CIMIP7: variants seen among roughly 807,000 people sequenced by gnomAD.
CIMIP7 encodes the protein uncharacterized protein C3orf84.
At chr3:49,181,058 G>A in the CIMIP7 span, among the ~76,000 whole-genome samples, 1 of 151,358 alleles carries the variant, frequency 6.6e-6, no homozygotes, top group Admixed American at 6.6e-5. Flanking sequence ...AATGCAAGCT[G>A]AGGCTGGGCA....
the CIMIP7 span, chr3:49,178,053 C>T: frequency 3.3e-5 from 52 of 1,591,714 alleles, no homozygotes; most frequent in Admixed American, 1.7e-4. Context: ...AATAGGGACC[C>T]TCCTCAACGG....
the CIMIP7 span, among the ~76,000 whole-genome samples, chr3:49,181,325 G>C: frequency 7.5e-6 from 1 of 132,724 alleles, no homozygotes; most frequent in African/African-American, 2.9e-5. Flanking sequence ...CTTGGCAACA[G>C]AGAGACTCTA....
At chr3:49,183,465 T>C in the CIMIP7 span, among the ~76,000 whole-genome samples, 1 of 152,202 alleles carries the variant, frequency 6.6e-6, no homozygotes, top group Non-Finnish European at 1.5e-5. Flanking sequence ...GTGGATAACC[T>C]GAGGTCAGGA....
chr3:49,181,604 G>A, the CIMIP7 span, among the ~76,000 whole-genome samples: 1 of 152,200 alleles, frequency 6.6e-6, no homozygotes, highest in South Asian at 2.1e-4. Context: ...GGTGCAATGA[G>A]CCATGATCGT....
chr3:49,186,825 T>C, the CIMIP7 span, among the ~76,000 whole-genome samples: 2 of 152,244 alleles, frequency 1.3e-5, no homozygotes, highest in Non-Finnish European at 2.9e-5. Context: ...AATGTCCTTG[T>C]TGTGATATTA....
At chr3:49,178,607 A>T in the CIMIP7 span, 12 of 1,394,312 alleles carry the variant, frequency 8.6e-6, no homozygotes, top group Non-Finnish European at 1.2e-5. Context: ...TACCTGGATC[A>T]CTGCCTCAGG....
the CIMIP7 span, chr3:49,189,841 T>G: frequency 1.3e-6 from 1 of 742,586 alleles, no homozygotes. Context: ...TGGTTCAGTT[T>G]GGCACTCACT....
At chr3:49,178,188 T>C in the CIMIP7 span, 23 of 821,740 alleles carry the variant, frequency 2.8e-5, no homozygotes, top group Non-Finnish European at 3.9e-5. Context: ...CTCCTTGGCC[T>C]GCCTCCCCAG....
the CIMIP7 span, among the ~76,000 whole-genome samples, chr3:49,178,234 G>C: frequency 6.6e-6 from 1 of 152,228 alleles, no homozygotes; most frequent in African/African-American, 2.4e-5. Context: ...CACCCAGAAA[G>C]TTAGTGGCCC....
chr3:49,181,834 T>G, the CIMIP7 span, among the ~76,000 whole-genome samples: 2 of 152,194 alleles, frequency 1.3e-5, no homozygotes, highest in Non-Finnish European at 2.9e-5. Context: ...CTCACTGACA[T>G]CAAGACTGAA....
At chr3:49,189,775 A>G in the CIMIP7 span, 11 of 620,196 alleles carry the variant, frequency 1.8e-5, no homozygotes, top group East Asian at 3.7e-4. Flanking sequence ...GCCTGTAGCT[A>G]CCCACCCCGG....
chr3:49,186,473 G>A, the CIMIP7 span, among the ~76,000 whole-genome samples: 93 of 134,120 alleles, frequency 6.9e-4, no homozygotes, highest in African/African-American at 2.4e-3. Context: ...GTGCGATCGC[G>A]GCTCACTGCA....
At chr3:49,182,803 C>G in the CIMIP7 span, among the ~76,000 whole-genome samples, 4 of 152,298 alleles carry the variant, frequency 2.6e-5, no homozygotes, top group Non-Finnish European at 5.9e-5. Flanking sequence ...GGTCCCGAGC[C>G]CTGCCCCGCG....
the CIMIP7 span, chr3:49,190,093 C>G: frequency 1.9e-6 from 3 of 1,610,970 alleles, no homozygotes; most frequent in Non-Finnish European, 2.5e-6. Flanking sequence ...CTAGCACTTT[C>G]ACTCTTGAAT....
the CIMIP7 span, chr3:49,177,786 A>G: frequency 6.2e-7 from 1 of 1,611,680 alleles, no homozygotes; most frequent in South Asian, 1.1e-5. Context: ...TGTAGCTGCC[A>G]TAGTGGCCAC....
chr3:49,179,901 G>A, the CIMIP7 span, among the ~76,000 whole-genome samples: 2 of 152,232 alleles, frequency 1.3e-5, no homozygotes, highest in South Asian at 2.1e-4. Flanking sequence ...ACTTTGGGAG[G>A]CCGAGGCGGG....
At chr3:49,187,799 A>G in the CIMIP7 span, among the ~76,000 whole-genome samples, 29 of 152,358 alleles carry the variant, frequency 1.9e-4, no homozygotes, top group African/African-American at 6.7e-4. Context: ...TTCTCTGAGC[A>G]GTCCTATTAA....
the CIMIP7 span, chr3:49,178,345 G>T: frequency 1.0e-5 from 8 of 776,696 alleles, no homozygotes; most frequent in South Asian, 1.2e-4. Context: ...GAAAGTTTGT[G>T]GGGGAAGACA....
chr3:49,186,721 C>T, the CIMIP7 span, among the ~76,000 whole-genome samples: 1 of 152,170 alleles, frequency 6.6e-6, no homozygotes, highest in Non-Finnish European at 1.5e-5. Context: ...CCACGCCCCG[C>T]CCATAGCTCT....
Sources: allele counts gnomAD v4.1 joint callset (sites outside exome capture counted in the v4.1 genomes callset), GRCh38; gene constraint gnomAD v4.1.1; transcripts MANE v1.5; gene names NCBI Gene and HGNC (gene_info 2026-07-23, HGNC 2026-07-21).